TMEM156: variants seen among roughly 807,000 people sequenced by gnomAD.
The protein encoded by TMEM156 is transmembrane protein 156.
Under a neutral mutation model 30.5 loss-of-function variants are expected in TMEM156, and 28 were observed. That is an observed-to-expected ratio of 0.92 (90% CI 0.68 to 1.26). The LOEUF is 1.26. Among genes scored for constraint, TMEM156 ranks in the 50% most tolerant of loss-of-function variants. The pLI is 0.00. For missense variants in TMEM156, 351 were observed against 340.6 expected (o/e 1.03, Z -0.24); for synonymous variants, 137 against 119.9 (o/e 1.14, Z -0.93).
intron 1 of TMEM156, among the ~76,000 whole-genome samples, chr4:39,027,758 C>CTTTCT (rs1715293893): frequency 8.3e-6 from 1 of 120,796 alleles, no homozygotes. Flanking sequence ...TTTTCTTTTT[C>CTTTCT]TTTTTTTTTT....
At chr4:39,009,882 T>A (rs967086324) in intron 1 of TMEM156, among the ~76,000 whole-genome samples, 35 of 152,230 alleles carry the variant, frequency 2.3e-4, no homozygotes, top group Non-Finnish European at 4.6e-4. Context: ...AACAAAGTAC[T>A]GGAAGTCCTA....
rs2276887 is a variant in TMEM156, at chr4:38,988,955, A to G, written c.635T>C (p.Met212Thr). ...EMDIKNITCSMKITWYILVLL... is the reference protein window; with the variant it reads ...EMDIKNITCSTKITWYILVLL... ...AACTAAAATATACCAAGTGATCTTC[A>G]TGGAACAAGTGATATCTGTAAAGAA... is the stretch of plus-strand genomic sequence containing the variant. Residue 212 changes from methionine (M) to threonine (T), a missense_variant, in exon 4 of 7, where the codon ATG becomes ACG. Physicochemically the swap from Met to Thr is moderately conservative, Grantham distance 81 (BLOSUM62 -1). Coordinates refer to ENST00000381938, the MANE Select transcript of TMEM156 (RefSeq NM_024943.3). 2,372 of 1,611,944 alleles carry G rather than the reference A, an allele frequency of 1.5e-3. 61 individuals carry two copies. In the East Asian group the frequency reaches 0.048, roughly 33 times the overall value.
At chr4:38,971,937 G>C (rs1429875142) in intron 5 of TMEM156, among the ~76,000 whole-genome samples, 2 of 151,906 alleles carry the variant, frequency 1.3e-5, no homozygotes, top group Admixed American at 1.3e-4. Flanking sequence ...TTACAGGCAT[G>C]CACCACCATG....
At chr4:39,030,956 T>C (rs1172602997) in intron 1 of TMEM156, among the ~76,000 whole-genome samples, 1 of 152,254 alleles carries the variant, frequency 6.6e-6, no homozygotes, top group Non-Finnish European at 1.5e-5. Flanking sequence ...GTCATAGTGT[T>C]TATTTAGCAA....
At chr4:38,986,883 A>G (rs1175350187) in intron 4 of TMEM156, among the ~76,000 whole-genome samples, 1 of 133,338 alleles carries the variant, frequency 7.5e-6, no homozygotes, top group East Asian at 2.3e-4. Context: ...ACAGAAAAGT[A>G]TATTTTTATC....
At chr4:38,978,643 CAGCACACAGA>C (rs1723016726) in intron 5 of TMEM156, among the ~76,000 whole-genome samples, 1 of 152,188 alleles carries the variant, frequency 6.6e-6, no homozygotes, top group African/African-American at 2.4e-5. Context: ...AGCACACGAT[CAGCACACAGA>C]CACACAAATT....
chr4:38,999,115 T>TTA (rs1560372092), intron 1 of TMEM156, among the ~76,000 whole-genome samples: 265 of 72,024 alleles, frequency 3.7e-3, no homozygotes, highest in African/African-American at 5.9e-3. Context: ...TATTTATTTT[T>TTA]TTTTTTTTTT....
chr4:39,012,038 C>A (rs1714159008), intron 1 of TMEM156, among the ~76,000 whole-genome samples: 1 of 152,124 alleles, frequency 6.6e-6, no homozygotes, highest in Non-Finnish European at 1.5e-5. Context: ...GGGAAGGAAG[C>A]AAGGGCTTAA....
intron 5 of TMEM156, among the ~76,000 whole-genome samples, chr4:38,985,107 G>A (rs1482267918): frequency 6.6e-6 from 1 of 152,242 alleles, no homozygotes; most frequent in Non-Finnish European, 1.5e-5. Context: ...ACAGAACTGT[G>A]TTAAAACTGT....
intron 5 of TMEM156, among the ~76,000 whole-genome samples, chr4:38,979,911 A>G (rs1723093563): frequency 6.6e-6 from 1 of 152,334 alleles, no homozygotes; most frequent in Middle Eastern, 3.4e-3. Context: ...CAGAACTTCA[A>G]TATTGCTATA....
intron 1 of TMEM156, among the ~76,000 whole-genome samples, chr4:39,008,632 C>T (rs35443422): frequency 0.1 from 15,363 of 151,952 alleles, 1,092 homozygotes; most frequent in South Asian, 0.25. Context: ...AAGTTGAATA[C>T]CAAGAGGCAC....
intron 1 of TMEM156, among the ~76,000 whole-genome samples, chr4:39,029,107 G>A (rs908052286): frequency 6.6e-6 from 1 of 152,062 alleles, no homozygotes; most frequent in Non-Finnish European, 1.5e-5. Flanking sequence ...GGACTTCAGA[G>A]GGCTTATTAT....
chr4:38,992,655 C>A (rs1334420438), intron 3 of TMEM156, among the ~76,000 whole-genome samples: 1 of 129,528 alleles, frequency 7.7e-6, no homozygotes, highest in Admixed American at 8.5e-5. Flanking sequence ...TAGCATATCA[C>A]AATGTGCTAC....
intron 1 of TMEM156, among the ~76,000 whole-genome samples, chr4:39,010,278 C>T (rs1453636775): frequency 1.3e-5 from 2 of 152,166 alleles, no homozygotes; most frequent in African/African-American, 4.8e-5. Flanking sequence ...GCATTTCATG[C>T]TCATGGATCA....
chr4:39,032,140 A>G, intron 1 of TMEM156, 86 bp downstream of exon 1: 1 of 835,848 alleles, frequency 1.2e-6, no homozygotes, highest in East Asian at 2.7e-5. Context: ...GCATGTGTCC[A>G]AAAAGAGGAT....
intron 1 of TMEM156, among the ~76,000 whole-genome samples, chr4:39,017,543 T>A (rs1714584344): frequency 6.6e-6 from 1 of 152,162 alleles, no homozygotes; most frequent in Non-Finnish European, 1.5e-5. Context: ...ATATTCTAAA[T>A]ACATCCATTA....
chr4:39,000,848 C>T (rs191869462), intron 1 of TMEM156, among the ~76,000 whole-genome samples: 1 of 152,224 alleles, frequency 6.6e-6, no homozygotes, highest in Admixed American at 6.5e-5. Flanking sequence ...GATCGCACCA[C>T]TGCACTCCAG....
chr4:39,009,809 T>C (rs1258943792), intron 1 of TMEM156, among the ~76,000 whole-genome samples: 1 of 152,226 alleles, frequency 6.6e-6, no homozygotes. Context: ...CAGGCAAAAG[T>C]TGGAAGTGCT....
intron 1 of TMEM156, among the ~76,000 whole-genome samples, chr4:39,003,652 TA>T (rs5857661): frequency 0.61 from 92,360 of 151,502 alleles, 28,681 homozygotes; most frequent in East Asian, 0.7. Context: ...GTAACTACAA[TA>T]AAAAAAAATT....
Sources: gnomAD v4.1 joint callset for allele counts (sites outside exome capture counted in the v4.1 genomes callset) on GRCh38, gnomAD v4.1.1 for gene constraint, MANE v1.5 for transcripts, NCBI Gene and HGNC (gene_info 2026-07-23, HGNC 2026-07-21) for gene names.